MECOM: variants seen among roughly 807,000 people sequenced by gnomAD.
MECOM encodes the protein MDS1 and EVI1 complex locus.
MECOM carries 13 observed loss-of-function variants against 116.3 expected under a neutral mutation model. That is an observed-to-expected ratio of 0.11 (90% CI 0.07 to 0.18). The LOEUF (loss-of-function observed/expected upper bound fraction) is 0.18. MECOM is among the 10% of genes least tolerant of loss of function. The pLI, the probability that MECOM is intolerant of heterozygous loss-of-function variation, is 1.00. For synonymous variants in MECOM, 528 were observed against 535.2 expected (o/e 0.99, Z 0.19); for missense variants, 1,299 against 1,509.0 (o/e 0.86, Z 2.31).
intron 2 of MECOM, among the ~76,000 whole-genome samples, chr3:169,229,049 C>T (rs1753073174): frequency 6.6e-6 from 1 of 152,178 alleles, no homozygotes; most frequent in South Asian, 2.1e-4. Context: ...TTCACACTCA[C>T]ATATACATGA....
At chr3:169,085,628 A>G (rs1369769300) in intron 16 of MECOM, among the ~76,000 whole-genome samples, 1 of 152,166 alleles carries the variant, frequency 6.6e-6, no homozygotes, top group Non-Finnish European at 1.5e-5. Flanking sequence ...TGCTTGACAT[A>G]CTCAGTCCTG....
intron 1 of MECOM, among the ~76,000 whole-genome samples, chr3:169,614,491 T>C (rs1769735875): frequency 6.6e-6 from 1 of 152,220 alleles, no homozygotes; most frequent in Non-Finnish European, 1.5e-5. Flanking sequence ...AGGCTGGTTA[T>C]TTTTAAAATA....
chr3:169,342,269 T>C (rs564435445), intron 2 of MECOM, among the ~76,000 whole-genome samples: 56 of 152,138 alleles, frequency 3.7e-4, no homozygotes, highest in African/African-American at 1.2e-3. Context: ...TTTGTATGAA[T>C]TTTATTTATA....
At chr3:169,468,049 T>TG (rs920314030) in intron 1 of MECOM, among the ~76,000 whole-genome samples, 5 of 152,274 alleles carry the variant, frequency 3.3e-5, no homozygotes, top group Admixed American at 3.3e-4. Context: ...CCAAAGCCAT[T>TG]GCTTGAAGTT....
At position 169,503,953 on chromosome 3, in the gene MECOM, T is replaced by G. The variant is rs192069738; in HGVS notation, c.38-122429A>C. Among the ~76,000 whole-genome samples the G allele has an allele frequency of 3.3e-5, 5 of 152,270 alleles. No homozygotes were observed. In the East Asian group the frequency reaches 9.6e-4, roughly 29 times the overall value. The stretch of plus-strand genomic sequence containing the variant: ...TGTAATAGTATCAATTGTTTCAATA[T>G]GTAAAACTCTGTTTAAAGCTATATG... On this transcript the variant is annotated intron_variant, in intron 1 of 16. Coordinates refer to ENST00000651503, the MANE Select transcript of MECOM (RefSeq NM_004991.4).
intron 2 of MECOM, among the ~76,000 whole-genome samples, chr3:169,370,746 C>T (rs566543113): frequency 1.3e-5 from 2 of 151,668 alleles, no homozygotes; most frequent in Admixed American, 1.3e-4. Context: ...GATGTTTTTT[C>T]AAAGAAGACA....
At chr3:169,543,282 A>G (rs1760321657) in intron 1 of MECOM, among the ~76,000 whole-genome samples, 1 of 152,230 alleles carries the variant, frequency 6.6e-6, no homozygotes, top group South Asian at 2.1e-4. Context: ...CTTATAAAAA[A>G]AAGTATTTGA....
intron 1 of MECOM, among the ~76,000 whole-genome samples, chr3:169,454,736 C>G (rs1245807611): frequency 6.6e-6 from 1 of 152,140 alleles, no homozygotes; most frequent in East Asian, 1.9e-4. Context: ...AAAGTGACCA[C>G]TTTCTCAAAC....
At chr3:169,253,065 A>T (rs1343995599) in intron 2 of MECOM, among the ~76,000 whole-genome samples, 1 of 152,134 alleles carries the variant, frequency 6.6e-6, no homozygotes, top group Non-Finnish European at 1.5e-5. Flanking sequence ...ATTTTTAGCT[A>T]TTTTTTAAAA....
intron 2 of MECOM, among the ~76,000 whole-genome samples, chr3:169,363,522 T>C (rs778544708): frequency 8.5e-5 from 13 of 152,094 alleles, no homozygotes; most frequent in Non-Finnish European, 1.8e-4. Flanking sequence ...TCATTTAGTA[T>C]GCAATTTTCA....
intron 1 of MECOM, among the ~76,000 whole-genome samples, chr3:169,653,306 G>A (rs1449988826): frequency 6.6e-6 from 1 of 152,186 alleles, no homozygotes; most frequent in Non-Finnish European, 1.5e-5. Context: ...GCAAAGCATA[G>A]TATTAGGCCC....
intron 1 of MECOM, among the ~76,000 whole-genome samples, chr3:169,639,102 A>G (rs887189901): frequency 6.6e-6 from 1 of 152,152 alleles, no homozygotes; most frequent in African/African-American, 2.4e-5. Context: ...CAACACCCAT[A>G]TCAGTCTACG....
intron 2 of MECOM, among the ~76,000 whole-genome samples, chr3:169,309,734 T>A (rs546191201): frequency 6.6e-6 from 1 of 152,184 alleles, no homozygotes; most frequent in African/African-American, 2.4e-5. Flanking sequence ...GTGTAAGAGA[T>A]AAAGCACTAA....
At chr3:169,507,771 C>T (rs892187868) in intron 1 of MECOM, among the ~76,000 whole-genome samples, 3 of 148,236 alleles carry the variant, frequency 2.0e-5, no homozygotes, top group Non-Finnish European at 4.4e-5. Context: ...ACGCCATTCT[C>T]CTGCCTCAGC....
intron 1 of MECOM, among the ~76,000 whole-genome samples, chr3:169,418,203 A>G (rs1032616688): frequency 6.6e-6 from 1 of 152,076 alleles, no homozygotes; most frequent in Non-Finnish European, 1.5e-5. Context: ...AACCAGGAAG[A>G]AGTCAAATCC....
intron 4 of MECOM, among the ~76,000 whole-genome samples, chr3:169,128,459 A>G (rs1191574170): frequency 6.6e-6 from 1 of 152,220 alleles, no homozygotes; most frequent in East Asian, 1.9e-4. Context: ...TGAGAATTTC[A>G]GGTTCACAGA....
chr3:169,147,324 C>T, intron 2 of MECOM: 2 of 985,580 alleles, frequency 2.0e-6, no homozygotes, highest in Non-Finnish European at 2.4e-6. Flanking sequence ...CCTGGACCCT[C>T]ACGGGATCGT....
chr3:169,132,507 GTTAT>G (rs1244769349), intron 3 of MECOM, among the ~76,000 whole-genome samples: 1 of 151,804 alleles, frequency 6.6e-6, no homozygotes, highest in Admixed American at 6.6e-5. Context: ...TCATTCTAAG[GTTAT>G]TTATTAAACA....
rs146635720 is a variant in MECOM, at chr3:169,127,892, G to A, written c.782C>T (p.Thr261Met). 2.4e-5 allele frequency: 38 copies of A among 1,614,060 alleles called. No homozygotes were observed. Among genetic ancestry groups the A allele is most frequent in the East Asian group, 6.7e-5 (3 of 44,882 alleles). Reference protein sequence around the residue: ...ESENDLQEIHTIQECKECDQV... With the variant: ...ESENDLQEIHMIQECKECDQV... ...GTCACATTCCTTACACTCCTGGATC[G>A]TGTGTATCTCTTGGAGATCATTCTC... The change falls in exon 5 of 17, where the codon ACG becomes ATG. Residue 261 changes from threonine (T) to methionine (M), a missense_variant. Physicochemically the swap from Thr to Met is moderately conservative, Grantham distance 81 (BLOSUM62 -1). Coordinates refer to ENST00000651503, the MANE Select transcript of MECOM (RefSeq NM_004991.4).
Sources: gnomAD v4.1 joint callset for allele counts (sites outside exome capture counted in the v4.1 genomes callset) on GRCh38, gnomAD v4.1.1 for gene constraint, MANE v1.5 for transcripts, NCBI Gene and HGNC (gene_info 2026-07-23, HGNC 2026-07-21) for gene names.